Variants in LARP4B observed in about 807,000 individuals in gnomAD.
LARP4B encodes the protein La ribonucleoprotein 4B.
LARP4B carries 12 observed loss-of-function variants against 89.8 expected under a neutral mutation model. That is an observed-to-expected ratio of 0.13 (90% CI 0.09 to 0.22). LARP4B has a LOEUF of 0.22. Among genes scored for constraint, LARP4B ranks in the 10% least tolerant of loss-of-function variants. LARP4B has a pLI of 1.00. For synonymous variants in LARP4B, 367 were observed against 363.3 expected, an observed-to-expected ratio of 1.01 and a Z score of -0.12; for missense variants, 757 against 947.7, an observed-to-expected ratio of 0.80 and a Z score of 2.64.
chr10:870,755 T>C (rs1835159474), intron 3 of LARP4B, among the ~76,000 whole-genome samples: 1 of 152,234 alleles, frequency 6.6e-6, no homozygotes, highest in African/African-American at 2.4e-5. Context: ...CCCTGATGTA[T>C]TATTACCAAA....
upstream of LARP4B, among the ~76,000 whole-genome samples, chr10:931,908 G>C (rs974196520): frequency 6.7e-6 from 1 of 150,332 alleles, no homozygotes; most frequent in African/African-American, 2.4e-5. Flanking sequence ...CGTACACCCT[G>C]CTCGCGGCCT....
chr10:937,647 C>G, the LARP4B span, among the ~76,000 whole-genome samples: 1 of 152,024 alleles, frequency 6.6e-6, no homozygotes, highest in African/African-American at 2.4e-5. Flanking sequence ...GGCTAAAATT[C>G]ACAAACTTAT....
chr10:983,472 G>A, the LARP4B span, among the ~76,000 whole-genome samples: 1 of 152,148 alleles, frequency 6.6e-6, no homozygotes, highest in African/African-American at 2.4e-5. Flanking sequence ...TTTGGAGACT[G>A]GAAGGTCCAG....
chr10:919,080 C>CA (rs1403100870), intron 1 of LARP4B, among the ~76,000 whole-genome samples: 1 of 151,298 alleles, frequency 6.6e-6, no homozygotes, highest in East Asian at 1.9e-4. Flanking sequence ...GACTCCGTCT[C>CA]AAAAAAAAGA....
At chr10:979,425 A>T in the LARP4B span, among the ~76,000 whole-genome samples, 65 of 152,306 alleles carry the variant, frequency 4.3e-4, no homozygotes, top group African/African-American at 1.6e-3. Context: ...CAGCAGAATT[A>T]TAAGGAGGAG....
the LARP4B span, among the ~76,000 whole-genome samples, chr10:958,432 C>A: frequency 5.9e-5 from 9 of 152,202 alleles, no homozygotes; most frequent in Admixed American, 2.0e-4. Flanking sequence ...TTCAAGGGAC[C>A]TTTGAAATGT....
chr10:820,530 G>A (rs1452123331), intron 14 of LARP4B: 4 of 427,602 alleles, frequency 9.4e-6, no homozygotes, highest in East Asian at 4.0e-5. Context: ...CAGTGCATGC[G>A]ACAGCAAGTT....
chr10:833,545 C>A (rs1833039806), intron 8 of LARP4B, among the ~76,000 whole-genome samples: 1 of 152,292 alleles, frequency 6.6e-6, no homozygotes, highest in South Asian at 2.1e-4. Context: ...AATTTAATCA[C>A]ATCATTACAT....
chr10:931,233 C>G (rs1189671804), intron 1 of LARP4B, among the ~76,000 whole-genome samples, 195 bp downstream of exon 1: 3 of 149,236 alleles, frequency 2.0e-5, no homozygotes, highest in African/African-American at 4.9e-5. Context: ...AGCCCTGGCC[C>G]TTCCCGTGCC....
In LARP4B at chr10:813,004, C is replaced by A. The variant is rs147920244; in HGVS notation, c.2139G>T (p.Ala713=). Residue 713 remains alanine, a synonymous_variant, in exon 18 of 18, where the codon GCG becomes GCT. Coordinates refer to ENST00000316157, the MANE Select transcript of LARP4B (RefSeq NM_015155.3). ...TGGCCGAGGGCGAGGGCCGGCCCCC[C>A]GCCGGCCGCCTCTGGTCTCTGGGGG... is the stretch of plus-strand genomic sequence containing the variant. ...PGAPRDQRRP[A]GGRPSPSAMG... 3.1e-6 allele frequency: 5 copies of A among 1,592,824 alleles called. No homozygotes were observed. In the African/African-American group the frequency reaches 4.1e-5, roughly 13 times the overall value.
At chr10:820,580 C>T (rs1167900667) in intron 14 of LARP4B, 2 of 538,366 alleles carry the variant, frequency 3.7e-6, no homozygotes, top group Non-Finnish European at 3.3e-6. Flanking sequence ...CGCCTGTGCA[C>T]TGTGGAGTCC....
intron 1 of LARP4B, among the ~76,000 whole-genome samples, chr10:888,773 T>C (rs953567719): frequency 6.6e-6 from 1 of 152,182 alleles, no homozygotes; most frequent in African/African-American, 2.4e-5. Flanking sequence ...AAGGAATAAA[T>C]GTTTGCAAAG....
rs1836375162 is a variant in LARP4B at position 902,642 on chromosome 10, T to TC, written c.-39-16883_-39-16882insG. 4.0e-5 allele frequency among the ~76,000 whole-genome samples: 6 copies of TC among 150,582 alleles called. No individual in the cohort carries two copies. In the South Asian group the frequency reaches 1.3e-3, roughly 31 times the overall value. Reference sequence around the variant, plus strand: ...GTTGAAGCAGAAACATAAAATCTTTTTTTTTTTTTTTTTTAATTTTGAGAT... The same window carrying TC: ...GTTGAAGCAGAAACATAAAATCTTTTCTTTTTTTTTTTTTTAATTTTGAGAT... On this transcript the variant is annotated intron_variant, in intron 1 of 17. Transcript: ENST00000316157.
intron 13 of LARP4B, among the ~76,000 whole-genome samples, chr10:823,662 C>A (rs1832470538): frequency 6.6e-6 from 1 of 151,706 alleles, no homozygotes; most frequent in African/African-American, 2.4e-5. Flanking sequence ...CAGAGGGAGC[C>A]ACATGGCCTT....
At chr10:956,484 T>C in the LARP4B span, among the ~76,000 whole-genome samples, 1 of 152,058 alleles carries the variant, frequency 6.6e-6, no homozygotes, top group Non-Finnish European at 1.5e-5. This position sits in a 1 kb window ranked among gnomAD's most constrained non-coding sequence, Gnocchi z 4.3. Context: ...TAGCTGGGAC[T>C]ACAGGCGCCC....
intron 3 of LARP4B, among the ~76,000 whole-genome samples, chr10:874,005 G>C (rs1178216413): frequency 6.6e-6 from 1 of 152,196 alleles, no homozygotes; most frequent in Non-Finnish European, 1.5e-5. Flanking sequence ...GCCGAGGTGG[G>C]TGGATCACCA....
chr10:962,615 G>C, the LARP4B span, among the ~76,000 whole-genome samples: 2 of 152,312 alleles, frequency 1.3e-5, no homozygotes, highest in African/African-American at 2.4e-5. Context: ...ATGTCATGTG[G>C]CAAAAGGGAT....
chr10:899,110 G>A (rs1448982567), intron 1 of LARP4B, among the ~76,000 whole-genome samples: 1 of 152,042 alleles, frequency 6.6e-6, no homozygotes, highest in Non-Finnish European at 1.5e-5. Context: ...TTACAATATG[G>A]TACTTAAATA....
chr10:830,845 G>C (rs1832867762), intron 9 of LARP4B, 22 bp downstream of exon 9: 1 of 994,460 alleles, frequency 1.0e-6, no homozygotes, highest in Non-Finnish European at 1.6e-6. Context: ...CAATTCATAG[G>C]GTGATGGTGG....
Sources: gnomAD v4.1 joint callset for allele counts (sites outside exome capture counted in the v4.1 genomes callset) on GRCh38, gnomAD v4.1.1 for gene constraint, Gnocchi (gnomAD v3.1) non-coding constraint, MANE v1.5 for transcripts, NCBI Gene and HGNC (gene_info 2026-07-23, HGNC 2026-07-21) for gene names.